Variants in NKAIN1 observed in about 807,000 individuals in gnomAD.
NKAIN1 encodes sodium/potassium transporting ATPase interacting 1, also known as sodium/potassium-transporting ATPase subunit beta-1-interacting protein 1.
NKAIN1 carries 13 observed loss-of-function variants against 31.6 expected under a neutral mutation model. The observed-to-expected ratio is 0.41, with a 90% CI of 0.27 to 0.65. The LOEUF is 0.65. NKAIN1 is among the 30% of genes least tolerant of loss of function. The pLI, the probability that NKAIN1 is intolerant of heterozygous loss-of-function variation, is 0.30. For missense variants in NKAIN1, 193 were observed against 262.2 expected (o/e 0.74, Z 1.82); for synonymous variants, 104 against 109.0 (o/e 0.95, Z 0.28).
chr1:31,184,974 A>G (rs111538781), intron 3 of NKAIN1, among the ~76,000 whole-genome samples: 104 of 152,126 alleles, frequency 6.8e-4, no homozygotes, highest in African/African-American at 2.4e-3. Context: ...GCTCCCACAT[A>G]CTGTTGGTTT....
chr1:31,232,416 T>TATAC, intron 1 of NKAIN1, among the ~76,000 whole-genome samples: 1 of 34,260 alleles, frequency 2.9e-5, no homozygotes, highest in South Asian at 1.4e-3. Context: ...TATATATATA[T>TATAC]ATATATATAG....
chr1:31,219,069 C>A (rs575478448), intron 1 of NKAIN1, among the ~76,000 whole-genome samples: 1 of 152,230 alleles, frequency 6.6e-6, no homozygotes, highest in African/African-American at 2.4e-5. Context: ...AGCACCAATG[C>A]GGGTCTACCC....
At chr1:31,209,851 G>A (rs975239611) in intron 1 of NKAIN1, among the ~76,000 whole-genome samples, 1 of 151,904 alleles carries the variant, frequency 6.6e-6, no homozygotes, top group African/African-American at 2.4e-5. Flanking sequence ...GCCAGGTGTG[G>A]TGGTGCATGT....
chr1:31,211,396 T>C (rs1645467806), intron 1 of NKAIN1, among the ~76,000 whole-genome samples: 1 of 152,126 alleles, frequency 6.6e-6, no homozygotes, highest in Non-Finnish European at 1.5e-5. Context: ...AACAAAACAA[T>C]TTCATTTACA....
chr1:31,182,740 C>T (rs1268578266), intron 4 of NKAIN1, 150 bp from the exon 5 acceptor site: 2 of 721,792 alleles, frequency 2.8e-6, no homozygotes, highest in East Asian at 5.5e-5. Flanking sequence ...ATGTTTTCAC[C>T]TTAAAGTCAA....
rs925481278 is a variant in NKAIN1, at chr1:31,239,745, C to T, written c.-198G>A. On this transcript the variant is annotated 5_prime_UTR_variant, in exon 1 of 7. Coordinates refer to ENST00000373736, the MANE Select transcript of NKAIN1 (RefSeq NM_024522.3). The surrounding 1 kb of genome is among the most constrained non-coding windows in gnomAD (Gnocchi z 4.8). ...CCGCGCTCCGAGTCCATGGTCCGTCCGTCCGCGCGCTGGCCCCGCCGAGCC... is the reference window on the plus strand; with the variant it reads ...CCGCGCTCCGAGTCCATGGTCCGTCTGTCCGCGCGCTGGCCCCGCCGAGCC... 6.6e-6 allele frequency among the ~76,000 whole-genome samples: 1 copy of T among 151,034 alleles called. No individual in the cohort carries two copies. The highest frequency in any genetic ancestry group is 1.5e-5 in the Non-Finnish European group (1 of 67,616).
chr1:31,188,869 C>T (rs1273791857), intron 1 of NKAIN1, among the ~76,000 whole-genome samples: 1 of 151,920 alleles, frequency 6.6e-6, no homozygotes, highest in Non-Finnish European at 1.5e-5. Context: ...AAACCATTGC[C>T]AGGTGTGGTG....
intron 1 of NKAIN1, among the ~76,000 whole-genome samples, chr1:31,214,155 T>C (rs1045969283): frequency 1.3e-5 from 2 of 152,070 alleles, no homozygotes; most frequent in African/African-American, 2.4e-5. Context: ...GAAAACATTA[T>C]GCTAGGTGAA....
chr1:31,208,023 C>T (rs898797615), intron 1 of NKAIN1, among the ~76,000 whole-genome samples: 14 of 152,060 alleles, frequency 9.2e-5, no homozygotes, highest in Admixed American at 2.0e-4. Flanking sequence ...CACAGATGGC[C>T]GCTGGGCCCC....
At position 31,200,025 on chromosome 1, in the gene NKAIN1, G is replaced by GCA. The variant is rs3046275; in HGVS notation, c.55-11840_55-11839dup. On this transcript the variant is annotated intron_variant, in intron 1 of 6. Transcript: ENST00000373736. ...CACGCACACACATGCACACACACAC[G>GCA]CACACACACACACATGCACACGTGC... Among the ~76,000 whole-genome samples the GCA allele has an allele frequency of 1.1e-3, 56 of 49,424 alleles. 1 individual carries two copies. Among genetic ancestry groups the GCA allele is most frequent in the South Asian group, 6.0e-3 (8 of 1,340 alleles). The allele number at this position is 49,424 out of a possible 152,430, so 32.4% of individuals were successfully genotyped here. A position where few individuals can be genotyped will look rare whatever the true frequency, so the allele number is the denominator to read the frequency against.
intron 1 of NKAIN1, among the ~76,000 whole-genome samples, chr1:31,214,056 T>G (rs1327131672): frequency 6.6e-6 from 1 of 150,598 alleles, no homozygotes; most frequent in Non-Finnish European, 1.5e-5. Flanking sequence ...AAATAAAAAT[T>G]TAAGAAGTGA....
At position 31,183,898 on chromosome 1, in the gene NKAIN1, G is replaced by A; in HGVS notation, c.390C>T (p.His130=). The change falls in exon 4 of 7, where the codon CAC becomes CAT. Residue 130 remains histidine (H), a synonymous_variant. Coordinates refer to ENST00000373736, the MANE Select transcript of NKAIN1 (RefSeq NM_024522.3). ...GGCAGCCAGTGACAGAGATGACATG[G>A]TGGTCCTCCAGAGCCAGGCGGGAGT... The part of the protein sequence containing the change: ...VLNSRLALED[H]HVISVTGCLL... 1 of 1,614,124 alleles carries A rather than the reference G, an allele frequency of 6.2e-7. No individual in the cohort carries two copies. Among genetic ancestry groups the A allele is most frequent in the South Asian group, 1.1e-5 (1 of 91,086 alleles).
rs183562639 is a variant in NKAIN1, at chr1:31,188,149, G to T, written c.93C>A (p.Gly31=). Residue 31 remains glycine (G), a synonymous_variant, in exon 2 of 7, where the codon GGC becomes GGA. Transcript: ENST00000373736. ...TGGCTAGGATGGGAGCCCACTGGTA[G>T]CCCAGGAAGTCAAAGATCTGCCGCT... ...ALERQIFDFL[G]YQWAPILANF... 77 of 1,551,772 alleles carry T rather than the reference G, an allele frequency of 5.0e-5. 2 individuals are homozygous for T. In the Admixed American group the frequency reaches 1.0e-3, roughly 21 times the overall value.
chr1:31,223,506 G>A (rs1178404842), intron 1 of NKAIN1, among the ~76,000 whole-genome samples: 1 of 151,960 alleles, frequency 6.6e-6, no homozygotes, highest in Non-Finnish European at 1.5e-5. Flanking sequence ...GTGCAGTGGC[G>A]CGATCTCCGC....
intron 1 of NKAIN1, among the ~76,000 whole-genome samples, chr1:31,189,615 C>A (rs1183100706): frequency 6.6e-6 from 1 of 152,206 alleles, no homozygotes; most frequent in Non-Finnish European, 1.5e-5. Context: ...CTGCGCCCAG[C>A]CAAATTTTGC....
chr1:31,201,274 T>C (rs1645377594), intron 1 of NKAIN1, among the ~76,000 whole-genome samples: 1 of 151,878 alleles, frequency 6.6e-6, no homozygotes, highest in South Asian at 2.1e-4. Flanking sequence ...CAGTAACCTC[T>C]CTCAAGGGGT....
intron 1 of NKAIN1, among the ~76,000 whole-genome samples, chr1:31,226,051 A>C (rs1645601652): frequency 6.6e-6 from 1 of 152,252 alleles, no homozygotes; most frequent in Admixed American, 6.5e-5. Context: ...CAGGGAATAT[A>C]AAAGGTTTAG....
chr1:31,236,721 G>A (rs1362358305), intron 1 of NKAIN1, among the ~76,000 whole-genome samples: 3 of 152,182 alleles, frequency 2.0e-5, no homozygotes, highest in Non-Finnish European at 2.9e-5. Flanking sequence ...ATGCCACCCA[G>A]GTCTCATCTA....
chr1:31,196,382 G>T (rs75459161), intron 1 of NKAIN1, among the ~76,000 whole-genome samples: 1 of 151,824 alleles, frequency 6.6e-6, no homozygotes, highest in South Asian at 2.1e-4. Context: ...GCGTGGTGGC[G>T]GGCGCCTGTA....
Sources: gnomAD v4.1 joint callset for allele counts (sites outside exome capture counted in the v4.1 genomes callset) on GRCh38, gnomAD v4.1.1 for gene constraint, Gnocchi (gnomAD v3.1) non-coding constraint, MANE v1.5 for transcripts, NCBI Gene and HGNC (gene_info 2026-07-23, HGNC 2026-07-21) for gene names.